Variants in COMMD1 observed in about 807,000 individuals in gnomAD.
The protein encoded by COMMD1 is copper metabolism domain containing 1.
A neutral mutation model predicts 17.2 loss-of-function variants in COMMD1; 10 were observed. The ratio of observed to expected loss-of-function variants is 0.58; its 90% CI spans 0.36 to 0.99. The LOEUF is 0.99. Among genes scored for constraint, COMMD1 ranks in the 50% least tolerant of loss-of-function variants. The pLI is 0.01. For missense variants in COMMD1, 270 were observed against 231.8 expected (o/e 1.17, Z -1.07); for synonymous variants, 97 against 91.6 (o/e 1.06, Z -0.34).
chr2:62,099,367 C>T (rs1672109804), intron 2 of COMMD1, among the ~76,000 whole-genome samples: 1 of 152,140 alleles, frequency 6.6e-6, no homozygotes, highest in Non-Finnish European at 1.5e-5. Context: ...TAATCTAGCA[C>T]ACAAGAAAAC....
At chr2:62,045,574 G>A (rs936591801) in intron 2 of COMMD1, among the ~76,000 whole-genome samples, 1 of 117,672 alleles carries the variant, frequency 8.5e-6, no homozygotes, top group Non-Finnish European at 1.8e-5. Context: ...TTTTTTTTTT[G>A]TATTTTTAGT....
At chr2:62,006,406 A>G (rs1182846765) in intron 2 of COMMD1, among the ~76,000 whole-genome samples, 1 of 152,180 alleles carries the variant, frequency 6.6e-6, no homozygotes, top group East Asian at 1.9e-4. Context: ...TGTTTTCTAA[A>G]TCACAGTATA....
At chr2:62,058,739 A>G (rs1053104262) in intron 2 of COMMD1, among the ~76,000 whole-genome samples, 3 of 150,638 alleles carry the variant, frequency 2.0e-5, no homozygotes. Flanking sequence ...CCCTGTCTCA[A>G]AAAAAAAAGG....
At chr2:62,081,478 G>A (rs955878646) in intron 2 of COMMD1, among the ~76,000 whole-genome samples, 2 of 151,962 alleles carry the variant, frequency 1.3e-5, no homozygotes, top group African/African-American at 2.4e-5. Flanking sequence ...TTGAACTCCC[G>A]ACCTCAGGTG....
intron 2 of COMMD1, among the ~76,000 whole-genome samples, chr2:62,028,354 G>C (rs1558568528): frequency 6.6e-6 from 1 of 152,056 alleles, no homozygotes; most frequent in South Asian, 2.1e-4. Context: ...GGTAAGTCTT[G>C]ATACACTTTA....
intron 1 of COMMD1, among the ~76,000 whole-genome samples, chr2:61,910,696 T>G (rs1343530914): frequency 1.3e-5 from 2 of 152,222 alleles, no homozygotes; most frequent in Non-Finnish European, 2.9e-5. Flanking sequence ...GAGCATAATC[T>G]AACTATGAAG....
At chr2:62,044,137 T>G (rs1006671481) in intron 2 of COMMD1, among the ~76,000 whole-genome samples, 32 of 152,348 alleles carry the variant, frequency 2.1e-4, no homozygotes, top group African/African-American at 7.7e-4. Context: ...TTGTTTATGT[T>G]AAATATGTCA....
In COMMD1 at chr2:61,913,535, A is replaced by T. The variant is rs569760565; in HGVS notation, c.180+7677A>T. The stretch of plus-strand genomic sequence containing the variant: ...ATTAGCTCTACTAAAAGTTGGCTCT[A>T]CTAAATTAGCTCTACTAAAAAATTA... On this transcript the variant is annotated intron_variant, in intron 1 of 2. Transcript: ENST00000311832. Among the ~76,000 whole-genome samples the T allele has an allele frequency of 1.8e-3, 271 of 151,882 alleles. 1 individual carries two copies. Among genetic ancestry groups the T allele is most frequent in the Non-Finnish European group, 3.4e-3 (229 of 67,966 alleles).
intron 2 of COMMD1, among the ~76,000 whole-genome samples, chr2:62,092,265 A>G (rs1240299575): frequency 6.6e-6 from 1 of 152,200 alleles, no homozygotes; most frequent in Non-Finnish European, 1.5e-5. Flanking sequence ...CTCAGTTAAA[A>G]CATTCAGGGT....
chr2:62,083,343 C>G (rs1170137281), intron 2 of COMMD1, among the ~76,000 whole-genome samples: 1 of 152,046 alleles, frequency 6.6e-6, no homozygotes, highest in Non-Finnish European at 1.5e-5. Context: ...AGCTATGCAA[C>G]TTTGCCATTG....
At chr2:61,989,827 G>T (rs1389489626) in intron 1 of COMMD1, among the ~76,000 whole-genome samples, 1 of 152,098 alleles carries the variant, frequency 6.6e-6, no homozygotes, top group African/African-American at 2.4e-5. Context: ...TTTGTAGAGC[G>T]CCTACTGTGT....
chr2:61,954,926 C>T lies in COMMD1; in HGVS notation c.181-45775C>T, dbSNP rs536505227. Among the ~76,000 whole-genome samples the T allele has an allele frequency of 2.3e-3, 345 of 152,270 alleles. 2 individuals carry two copies. The highest frequency in any genetic ancestry group is 4.0e-3 in the Non-Finnish European group (270 of 68,006). ...CTGACCTCAAGCGATCCACCCGCCT[C>T]GGCCTTCCAAAGTGCTGGGATTACA... On this transcript the variant is annotated intron_variant, in intron 1 of 2. Transcript: ENST00000311832.
intron 1 of COMMD1, among the ~76,000 whole-genome samples, chr2:61,990,107 T>G (rs930081647): frequency 1.3e-5 from 2 of 152,140 alleles, no homozygotes; most frequent in South Asian, 2.1e-4. Context: ...GAGAATAGCC[T>G]AGGCAAAAGC....
intron 2 of COMMD1, among the ~76,000 whole-genome samples, chr2:62,125,345 G>A (rs925264920): frequency 6.6e-6 from 1 of 152,198 alleles, no homozygotes; most frequent in African/African-American, 2.4e-5. Flanking sequence ...TATCTATTGA[G>A]TTTGGGGGTG....
chr2:61,942,612 T>A (rs1174161634), intron 1 of COMMD1, among the ~76,000 whole-genome samples: 1 of 147,732 alleles, frequency 6.8e-6, no homozygotes, highest in Non-Finnish European at 1.5e-5. Flanking sequence ...TGATCTTGGC[T>A]CATTGCAGCC....
At chr2:62,122,494 A>G (rs1672777925) in intron 2 of COMMD1, among the ~76,000 whole-genome samples, 1 of 138,486 alleles carries the variant, frequency 7.2e-6, no homozygotes, top group Admixed American at 7.3e-5. Flanking sequence ...TGGTACCTCT[A>G]CCTTTTATTA....
chr2:62,096,623 C>T (rs1672017423), intron 2 of COMMD1, among the ~76,000 whole-genome samples: 1 of 152,146 alleles, frequency 6.6e-6, no homozygotes, highest in Admixed American at 6.6e-5. Flanking sequence ...CAACTCCTGC[C>T]TGTCAACTCT....
chr2:61,990,943 A>T (rs1672236932), intron 1 of COMMD1, among the ~76,000 whole-genome samples: 1 of 81,520 alleles, frequency 1.2e-5, no homozygotes, highest in Non-Finnish European at 2.8e-5. Flanking sequence ...CACACACATA[A>T]TGCCAGGCAT....
chr2:62,060,425 G>A (rs569286664), intron 2 of COMMD1, among the ~76,000 whole-genome samples: 3 of 152,158 alleles, frequency 2.0e-5, no homozygotes, highest in Non-Finnish European at 4.4e-5. Context: ...CTTTTATGCA[G>A]TAGTTGTCAT....
Sources: allele counts gnomAD v4.1 joint callset (sites outside exome capture counted in the v4.1 genomes callset), GRCh38; gene constraint gnomAD v4.1.1; transcripts MANE v1.5; gene names NCBI Gene and HGNC (gene_info 2026-07-23, HGNC 2026-07-21).